PTPRG: variants seen among roughly 807,000 people sequenced by gnomAD.
The protein encoded by PTPRG is protein tyrosine phosphatase receptor type G.
PTPRG carries 102 observed loss-of-function variants against 165.3 expected under a neutral mutation model. The ratio of observed to expected loss-of-function variants is 0.62; its 90% CI spans 0.53 to 0.73. The LOEUF (loss-of-function observed/expected upper bound fraction) is 0.73. Ranked by LOEUF, PTPRG falls within the 30% of genes least tolerant of loss-of-function variation. The probability of loss-of-function intolerance (pLI) is 0.00; values close to 1 mark genes in which losing one functional copy is unlikely to be tolerated. For missense variants in PTPRG, 1,866 were observed against 1,861.4 expected, an observed-to-expected ratio of 1.00 and a Z score of -0.05; for synonymous variants, 675 against 669.5, an observed-to-expected ratio of 1.01 and a Z score of -0.13.
rs1472042661 is a variant in PTPRG at position 62,295,619 on chromosome 3, G to GAAAC, written c.*2315_*2318dup. 2 of 152,054 alleles carry GAAAC rather than the reference G, an allele frequency of 1.3e-5. No homozygotes were observed. The highest frequency in any genetic ancestry group is 4.8e-5 in the African/African-American group (2 of 41,404). The allele number at this position is 152,054 out of a possible 1,614,324, so 9.4% of individuals were successfully genotyped here. A position where few individuals can be genotyped will look rare whatever the true frequency, so the allele number is the denominator to read the frequency against. ...GAAAAAACAGCTAGTAAATAGGATA[G>GAAAC]AAACAATAAAAGAAAGAGTTTAGAA... is the stretch of plus-strand genomic sequence containing the variant. On this transcript the variant is annotated 3_prime_UTR_variant, in exon 30 of 30. Coordinates refer to ENST00000474889, the MANE Select transcript of PTPRG (RefSeq NM_002841.4).
chr3:61,968,877 A>G (rs2040328760), intron 2 of PTPRG, among the ~76,000 whole-genome samples: 1 of 152,224 alleles, frequency 6.6e-6, no homozygotes, highest in Non-Finnish European at 1.5e-5. Context: ...GAACATTTGT[A>G]GGGTAATGAT....
intron 2 of PTPRG, among the ~76,000 whole-genome samples, chr3:61,968,052 GAA>G (rs1255065054): frequency 2.0e-5 from 3 of 152,184 alleles, no homozygotes; most frequent in African/African-American, 7.2e-5. Flanking sequence ...AGTTGAGAAA[GAA>G]GAGAGAAATT....
chr3:62,277,099 TAAAG>T, intron 25 of PTPRG, 51 bp downstream of exon 25: 2 of 1,425,374 alleles, frequency 1.4e-6, no homozygotes, highest in Non-Finnish European at 2.0e-6. Flanking sequence ...TGAAAGGTGT[TAAAG>T]AGCAGATACC....
chr3:62,171,823 A>G (rs11130879), intron 8 of PTPRG, among the ~76,000 whole-genome samples: 40,180 of 151,856 alleles, frequency 0.26, 5,793 homozygotes, highest in African/African-American at 0.37. Flanking sequence ...CATTGCCACC[A>G]TTTATTTCTG....
Position 62,245,488 on chromosome 3 carries a change from A to C in PTPRG, c.2467+1590A>C, listed in dbSNP as rs1701269450. The stretch of plus-strand genomic sequence containing the variant: ...AACTGAAATCCATTTTTGAAGAGTT[A>C]AATGGTGAAATACTTACTGGGCTGT... On this transcript the variant is annotated intron_variant, in intron 15 of 29. Coordinates refer to ENST00000474889, the MANE Select transcript of PTPRG (RefSeq NM_002841.4). This position sits in a 1 kb window ranked among gnomAD's most constrained non-coding sequence, Gnocchi z 4.2. Among the ~76,000 whole-genome samples the C allele has an allele frequency of 1.3e-5, 2 of 152,158 alleles. No homozygotes were observed. Among genetic ancestry groups the C allele is most frequent in the Admixed American group, 1.3e-4 (2 of 15,266 alleles).
Position 62,240,160 on chromosome 3 carries a change from T to C in PTPRG, c.2376-3647T>C, listed in dbSNP as rs1464793782. Among the ~76,000 whole-genome samples the C allele has an allele frequency of 2.6e-5, 4 of 152,134 alleles. No individual in the cohort carries two copies. The highest frequency in any genetic ancestry group is 4.4e-5 in the Non-Finnish European group (3 of 68,030). Reference sequence around the variant, plus strand: ...ATATTTGTTATCAAGGAGAGATGCATATAGAATGATCTCATTTCGTTTTTT... The same window carrying C: ...ATATTTGTTATCAAGGAGAGATGCACATAGAATGATCTCATTTCGTTTTTT... On this transcript the variant is annotated intron_variant, in intron 14 of 29. Transcript: ENST00000474889. The surrounding 1 kb of genome is among the most constrained non-coding windows in gnomAD (Gnocchi z 5.1).
intron 2 of PTPRG, among the ~76,000 whole-genome samples, chr3:61,752,681 G>A (rs1218671807): frequency 1.3e-5 from 2 of 150,046 alleles, no homozygotes; most frequent in African/African-American, 4.9e-5. Context: ...AGCTACTCGG[G>A]AGGCTGAGGG....
At chr3:61,913,653 C>T (rs1224582290) in intron 2 of PTPRG, among the ~76,000 whole-genome samples, 2 of 152,130 alleles carry the variant, frequency 1.3e-5, no homozygotes, top group African/African-American at 4.8e-5. Flanking sequence ...AGTTTCTTTA[C>T]GTCTTTTTGT....
At chr3:61,841,670 A>C (rs1219383798) in intron 2 of PTPRG, among the ~76,000 whole-genome samples, 3 of 152,180 alleles carry the variant, frequency 2.0e-5, no homozygotes, top group African/African-American at 7.2e-5. Context: ...GCTTCTGTCC[A>C]CTGGCAATTT....
intron 1 of PTPRG, among the ~76,000 whole-genome samples, chr3:61,609,560 T>A (rs549662727): frequency 2.9e-4 from 44 of 152,316 alleles, no homozygotes; most frequent in East Asian, 1.9e-4. Flanking sequence ...TTTCTTTTTT[T>A]AAAATAAGAA....
chr3:61,892,450 A>G (rs2038239885), intron 2 of PTPRG, among the ~76,000 whole-genome samples: 1 of 152,168 alleles, frequency 6.6e-6, no homozygotes, highest in African/African-American at 2.4e-5. Flanking sequence ...CCTTGGCTCA[A>G]GTGATCCTCT....
rs1484658758 is a variant in PTPRG at position 61,849,611 on chromosome 3, AGT to A, written c.190+100633_190+100634del. On this transcript the variant is annotated intron_variant, in intron 2 of 29. Coordinates refer to ENST00000474889, the MANE Select transcript of PTPRG (RefSeq NM_002841.4). ...AACTTAATGAAATAGGTGATGATGC[AGT>A]GTGAGGGAAGCCCACACAGTCATCA... 2.0e-4 allele frequency among the ~76,000 whole-genome samples: 31 copies of A among 152,362 alleles called. No homozygotes were observed. In the East Asian group the frequency reaches 5.0e-3, roughly 25 times the overall value.
chr3:62,071,632 G>A (rs1701213788), intron 4 of PTPRG, among the ~76,000 whole-genome samples: 1 of 152,118 alleles, frequency 6.6e-6, no homozygotes, highest in African/African-American at 2.4e-5. Flanking sequence ...ATCTTCATCT[G>A]TCATGGTGCC....
chr3:62,076,878 A>G (rs746561904), intron 4 of PTPRG, among the ~76,000 whole-genome samples: 3 of 152,122 alleles, frequency 2.0e-5, no homozygotes, highest in South Asian at 2.1e-4. Flanking sequence ...ACTGCATCCA[A>G]CTGTTCTCTG....
rs1457942447 is a variant in PTPRG, at chr3:61,665,467, A to AACAC, written c.86-83410_86-83409insCACA. Among the ~76,000 whole-genome samples, 189 of 79,708 alleles carry AACAC rather than the reference A, an allele frequency of 2.4e-3. 1 individual carries two copies. The highest frequency in any genetic ancestry group is 0.011 in the African/African-American group (176 of 16,262). 52.3% of individuals were successfully genotyped at this position (79,708 alleles called of 152,430 possible). A position where few individuals can be genotyped will look rare whatever the true frequency, so the allele number is the denominator to read the frequency against. ...AAGCTAAGATGGTGAATTGTAAATAAATACACACACACACACACACACACA... is the reference window on the plus strand; with the variant it reads ...AAGCTAAGATGGTGAATTGTAAATAAACACATACACACACACACACACACACACA... On this transcript the variant is annotated intron_variant, in intron 1 of 29. Transcript: ENST00000474889.
At chr3:62,098,299 A>G (rs1702182322) in intron 5 of PTPRG, among the ~76,000 whole-genome samples, 1 of 152,220 alleles carries the variant, frequency 6.6e-6, no homozygotes. Context: ...ATGAAAAAAT[A>G]ATACCATGGT....
chr3:62,096,429 C>T (rs1279015446), intron 5 of PTPRG, among the ~76,000 whole-genome samples: 4 of 152,102 alleles, frequency 2.6e-5, no homozygotes, highest in Admixed American at 6.6e-5. Context: ...CTCCTGTCGT[C>T]TTTATTTCTT....
At chr3:61,989,443 A>G (rs2040832891) in intron 2 of PTPRG, among the ~76,000 whole-genome samples, 182 bp from the exon 3 acceptor site, 1 of 152,236 alleles carries the variant, frequency 6.6e-6, no homozygotes, top group Admixed American at 6.5e-5. Flanking sequence ...TAACTTAAGT[A>G]ACATCTTTTC....
At chr3:61,908,120 T>TAAAA in intron 2 of PTPRG, among the ~76,000 whole-genome samples, 1 of 83,820 alleles carries the variant, frequency 1.2e-5, no homozygotes, top group Non-Finnish European at 2.5e-5. Context: ...CCACCTCTCT[T>TAAAA]TAAAAAAAAA....
Sources: allele counts gnomAD v4.1 joint callset (sites outside exome capture counted in the v4.1 genomes callset), GRCh38; gene constraint gnomAD v4.1.1; non-coding constraint Gnocchi (gnomAD v3.1); transcripts MANE v1.5; gene names NCBI Gene and HGNC (gene_info 2026-07-23, HGNC 2026-07-21).